The following SKAP1 variants were observed in gnomAD, a reference collection of about 807,000 sequenced individuals.
SKAP1 encodes the protein src kinase-associated phosphoprotein 1.
Under a neutral mutation model 58.5 loss-of-function variants are expected in SKAP1, and 44 were observed. The observed-to-expected ratio is 0.75, with a 90% CI of 0.59 to 0.97. SKAP1 has a LOEUF of 0.97. SKAP1 is among the 50% of genes least tolerant of loss of function. The pLI is 0.00. For missense variants in SKAP1, 390 were observed against 435.2 expected, an observed-to-expected ratio of 0.90 and a Z score of 0.92; for synonymous variants, 127 against 149.7, an observed-to-expected ratio of 0.85 and a Z score of 1.11.
At chr17:48,307,538 A>AATTT (rs1175597940) in intron 4 of SKAP1, 4 of 152,356 alleles carry the variant, frequency 2.6e-5, no homozygotes, top group Admixed American at 6.5e-5. Flanking sequence ...AATTTATTTC[A>AATTT]ATTTACATCA....
intron 1 of SKAP1, among the ~76,000 whole-genome samples, chr17:48,397,451 C>A (rs750730631): frequency 6.6e-6 from 1 of 152,152 alleles, no homozygotes; most frequent in Non-Finnish European, 1.5e-5. Flanking sequence ...GTTTCGAACT[C>A]CTGAGCTCAG....
At chr17:48,200,367 ATTCT>A (rs569750762) in intron 4 of SKAP1, among the ~76,000 whole-genome samples, 2,886 of 151,672 alleles carry the variant, frequency 0.019, 30 homozygotes, top group Non-Finnish European at 0.031. Context: ...AGATTGGGCC[ATTCT>A]TTCTTTCTTT....
chr17:48,220,372 A>G (rs1324321889), intron 4 of SKAP1, among the ~76,000 whole-genome samples: 2 of 152,250 alleles, frequency 1.3e-5, no homozygotes, highest in Non-Finnish European at 2.9e-5. Flanking sequence ...CAAAGGAACT[A>G]CATGTGTTTT....
intron 1 of SKAP1, among the ~76,000 whole-genome samples, chr17:48,413,000 T>TA (rs1478385187): frequency 4.0e-5 from 6 of 150,950 alleles, no homozygotes; most frequent in Non-Finnish European, 8.9e-5. Flanking sequence ...TCCAGCTTTT[T>TA]AAAAAAATCT....
At chr17:48,289,149 TTATC>T (rs1382336458) in intron 4 of SKAP1, among the ~76,000 whole-genome samples, 1 of 152,182 alleles carries the variant, frequency 6.6e-6, no homozygotes, top group African/African-American at 2.4e-5. Context: ...GTAGGAATGT[TTATC>T]TATTCAAGCA....
chr17:48,224,802 G>T (rs1449674768), intron 4 of SKAP1, among the ~76,000 whole-genome samples: 1 of 152,154 alleles, frequency 6.6e-6, no homozygotes, highest in Admixed American at 6.6e-5. Flanking sequence ...GTGGCCTTTT[G>T]GGGGAGGGGA....
chr17:48,342,947 T>C (rs2144318311), intron 4 of SKAP1, among the ~76,000 whole-genome samples: 1 of 152,212 alleles, frequency 6.6e-6, no homozygotes, highest in East Asian at 1.9e-4. Context: ...ATCCCACCAC[T>C]GCACTCTAGC....
chr17:48,290,880 C>T (rs541679498), intron 4 of SKAP1, among the ~76,000 whole-genome samples: 1 of 152,160 alleles, frequency 6.6e-6, no homozygotes, highest in Non-Finnish European at 1.5e-5. Flanking sequence ...GTGACTCACA[C>T]CTGTAATCTC....
intron 4 of SKAP1, among the ~76,000 whole-genome samples, chr17:48,234,674 G>A (rs1230319722): frequency 6.6e-6 from 1 of 151,710 alleles, no homozygotes; most frequent in East Asian, 1.9e-4. Context: ...ATCTGTGGGG[G>A]TACCAAAATA....
At chr17:48,291,741 A>T (rs574078271) in intron 4 of SKAP1, among the ~76,000 whole-genome samples, 1 of 152,280 alleles carries the variant, frequency 6.6e-6, no homozygotes, top group African/African-American at 2.4e-5. Flanking sequence ...CTCTCATTTA[A>T]CCTGGGTAAT....
chr17:48,410,934 CAAAAAAAAAA>C (rs61705374), intron 1 of SKAP1, among the ~76,000 whole-genome samples: 4,392 of 67,040 alleles, frequency 0.066, 282 homozygotes, highest in African/African-American at 0.23. Flanking sequence ...GACTCCATTT[CAAAAAAAAAA>C]AAAAAAAAAA....
intron 4 of SKAP1, among the ~76,000 whole-genome samples, chr17:48,275,996 G>A (rs1169931112): frequency 6.6e-6 from 1 of 152,050 alleles, no homozygotes; most frequent in Non-Finnish European, 1.5e-5. Context: ...ATAAGAAGGG[G>A]GAGGGTCTGA....
At chr17:48,202,309 A>G (rs2064738821) in intron 4 of SKAP1, among the ~76,000 whole-genome samples, 1 of 152,246 alleles carries the variant, frequency 6.6e-6, no homozygotes, top group East Asian at 1.9e-4. Context: ...ATCTAATGAG[A>G]ACTCTTACAC....
intron 4 of SKAP1, among the ~76,000 whole-genome samples, chr17:48,274,947 G>A (rs1270324617): frequency 6.6e-6 from 1 of 151,940 alleles, no homozygotes; most frequent in African/African-American, 2.4e-5. Context: ...TGCTACAACT[G>A]CCATCACCTC....
chr17:48,275,594 G>A (rs1051769272), intron 4 of SKAP1, among the ~76,000 whole-genome samples: 1 of 152,162 alleles, frequency 6.6e-6, no homozygotes, highest in Non-Finnish European at 1.5e-5. Context: ...TTCCCAGTGT[G>A]TAACTTCTTG....
chr17:48,378,992 G>T (rs931883974), intron 2 of SKAP1, among the ~76,000 whole-genome samples: 17 of 152,280 alleles, frequency 1.1e-4, no homozygotes, highest in Admixed American at 7.2e-4. Flanking sequence ...TTCCAAAAAG[G>T]TGGGGCTGGG....
At chr17:48,434,070 G>T (rs1321533513), upstream of SKAP1, among the ~76,000 whole-genome samples, 1 of 152,232 alleles carries the variant, frequency 6.6e-6, no homozygotes, top group Non-Finnish European at 1.5e-5. Context: ...GCTGGTTATT[G>T]ATCCCTGAAT....
At chr17:48,388,598 AT>A (rs1408367123) in intron 2 of SKAP1, among the ~76,000 whole-genome samples, 1 of 152,156 alleles carries the variant, frequency 6.6e-6, no homozygotes, top group African/African-American at 2.4e-5. Context: ...CATCCATATT[AT>A]TTTTTATACA....
intron 4 of SKAP1, among the ~76,000 whole-genome samples, chr17:48,324,344 C>T (rs893584781): frequency 2.0e-5 from 3 of 152,012 alleles, no homozygotes; most frequent in African/African-American, 7.2e-5. Flanking sequence ...TAAACCAATC[C>T]CATGTAATTA....
Sources: allele counts gnomAD v4.1 joint callset (sites outside exome capture counted in the v4.1 genomes callset), GRCh38; gene constraint gnomAD v4.1.1; transcripts MANE v1.5; gene names NCBI Gene and HGNC (gene_info 2026-07-23, HGNC 2026-07-21).